Variants in DLGAP1 observed in about 807,000 individuals in gnomAD.
DLGAP1 encodes the protein DLG associated protein 1.
A neutral mutation model predicts 90.8 loss-of-function variants in DLGAP1; 11 were observed. That is an observed-to-expected ratio of 0.12 (90% CI 0.08 to 0.20). The LOEUF is 0.20. DLGAP1 is among the 10% of genes least tolerant of loss of function. The probability of loss-of-function intolerance (pLI) is 1.00; values close to 1 mark genes in which losing one functional copy is unlikely to be tolerated. For synonymous variants in DLGAP1, 558 were observed against 540.7 expected (o/e 1.03, Z -0.44); for missense variants, 1,050 against 1,333.8 (o/e 0.79, Z 3.31).
At chr18:4,156,750 G>A (rs2076763050) in intron 1 of DLGAP1, among the ~76,000 whole-genome samples, 1 of 152,104 alleles carries the variant, frequency 6.6e-6, no homozygotes, top group South Asian at 2.1e-4. Context: ...AGATCTCCCT[G>A]GATTATTTTG....
In DLGAP1 at chr18:4,192,721, C is replaced by A. The variant is rs75162992; in HGVS notation, c.-266-41434G>T. On this transcript the variant is annotated intron_variant, in intron 1 of 12. Coordinates refer to ENST00000315677, the MANE Select transcript of DLGAP1 (RefSeq NM_004746.4). The stretch of plus-strand genomic sequence containing the variant: ...CCAGGCAAATAAAAGAATAAATGTT[C>A]CCTAAGGTAGGGCAATGGAACCAAA... Among the ~76,000 whole-genome samples the A allele has an allele frequency of 5.7e-3, 867 of 152,212 alleles. 6 individuals carry two copies. Among genetic ancestry groups the A allele is most frequent in the South Asian group, 0.024 (116 of 4,814 alleles).
At chr18:3,603,700 A>T (rs1214192879) in intron 7 of DLGAP1, 1 of 154,322 alleles carries the variant, frequency 6.5e-6, no homozygotes, top group Non-Finnish European at 1.5e-5. Context: ...AGCAGCAACA[A>T]ATGTACTTTA....
At chr18:3,579,222 CTTTT>C (rs2055342447) in intron 8 of DLGAP1, among the ~76,000 whole-genome samples, 1 of 152,088 alleles carries the variant, frequency 6.6e-6, no homozygotes, top group Non-Finnish European at 1.5e-5. Flanking sequence ...AACGGTCTTT[CTTTT>C]TGAGATGGAA....
chr18:3,826,876 G>A (rs2067745809), intron 4 of DLGAP1, among the ~76,000 whole-genome samples: 1 of 152,142 alleles, frequency 6.6e-6, no homozygotes, highest in South Asian at 2.1e-4. Flanking sequence ...TAAAGGGGAG[G>A]AGCCAGGGCA....
At chr18:4,291,433 T>C (rs1298258694) in intron 1 of DLGAP1, among the ~76,000 whole-genome samples, 1 of 152,158 alleles carries the variant, frequency 6.6e-6, no homozygotes, top group Non-Finnish European at 1.5e-5. Flanking sequence ...TTTATAGAAC[T>C]TTCCACAACA....
At chr18:4,168,864 G>C (rs954171310) in intron 1 of DLGAP1, among the ~76,000 whole-genome samples, 1 of 152,168 alleles carries the variant, frequency 6.6e-6, no homozygotes, top group Non-Finnish European at 1.5e-5. Flanking sequence ...AACTACTGGT[G>C]TACACCACTA....
intron 3 of DLGAP1, among the ~76,000 whole-genome samples, chr18:3,890,895 T>C (rs2071442875): frequency 6.6e-6 from 1 of 152,176 alleles, no homozygotes; most frequent in South Asian, 2.1e-4. Flanking sequence ...CGCCAGCTTA[T>C]TTCTGGATTA....
chr18:4,010,245 A>G (rs1208522615), intron 2 of DLGAP1, among the ~76,000 whole-genome samples: 3 of 152,192 alleles, frequency 2.0e-5, no homozygotes, highest in Non-Finnish European at 4.4e-5. Flanking sequence ...GTAAAATCAG[A>G]TTAAGAATCA....
At chr18:4,425,542 C>T (rs183806463) in intron 1 of DLGAP1, among the ~76,000 whole-genome samples, 1 of 152,308 alleles carries the variant, frequency 6.6e-6, no homozygotes, top group Non-Finnish European at 1.5e-5. Flanking sequence ...TTAGTCAGTT[C>T]CCCGGACAGG....
chr18:4,436,245 A>T (rs1229702988), intron 1 of DLGAP1, among the ~76,000 whole-genome samples: 1 of 151,994 alleles, frequency 6.6e-6, no homozygotes, highest in African/African-American at 2.4e-5. Flanking sequence ...ATTCCAAAGC[A>T]TGATTGTCTG....
At chr18:3,716,461 A>G (rs2061764269) in intron 7 of DLGAP1, among the ~76,000 whole-genome samples, 1 of 152,206 alleles carries the variant, frequency 6.6e-6, no homozygotes, top group Non-Finnish European at 1.5e-5. Flanking sequence ...GCCTGAGCCC[A>G]GGAGGCTGAT....
At position 3,691,426 on chromosome 18, in the gene DLGAP1, CAA is replaced by C. The variant is rs34761241; in HGVS notation, c.1591+37707_1591+37708del. Among the ~76,000 whole-genome samples, 505 of 123,628 alleles carry C rather than the reference CAA, an allele frequency of 4.1e-3. 1 individual carries two copies. The highest frequency in any genetic ancestry group is 9.0e-3 in the African/African-American group (331 of 36,664). 81.1% of individuals were successfully genotyped at this position (123,628 alleles called of 152,430 possible). A position where few individuals can be genotyped will look rare whatever the true frequency, so the allele number is the denominator to read the frequency against. On this transcript the variant is annotated intron_variant, in intron 7 of 12. Transcript: ENST00000315677. The stretch of plus-strand genomic sequence containing the variant: ...TGGGCGATAGAGCAAGACTCTGTCT[CAA>C]AAAAAAAAAAAAAATTACTCAGAAA...
At chr18:3,938,541 T>C (rs1391276309) in intron 3 of DLGAP1, among the ~76,000 whole-genome samples, 1 of 152,208 alleles carries the variant, frequency 6.6e-6, no homozygotes, top group African/African-American at 2.4e-5. Context: ...TTTAGATCAT[T>C]AGAATCCTAC....
At chr18:4,220,547 T>C (rs114714110) in intron 1 of DLGAP1, among the ~76,000 whole-genome samples, 6,687 of 152,198 alleles carry the variant, frequency 0.044, 183 homozygotes, top group Middle Eastern at 0.054. Flanking sequence ...AATTTGACTA[T>C]ATTTTTATTT....
chr18:3,774,175 G>C (rs2064831182), intron 5 of DLGAP1: 3 of 152,148 alleles, frequency 2.0e-5, no homozygotes, highest in African/African-American at 7.2e-5. Context: ...TGAGTGCCAG[G>C]ATACAAAAAA....
intron 1 of DLGAP1, among the ~76,000 whole-genome samples, chr18:4,369,811 T>C (rs1194815695): frequency 2.1e-5 from 2 of 94,930 alleles, no homozygotes; most frequent in Admixed American, 1.3e-4. Flanking sequence ...GGAGAAAGTC[T>C]TAGTAAAAAA....
chr18:3,637,662 G>C (rs1216991587), intron 7 of DLGAP1, among the ~76,000 whole-genome samples: 2 of 151,162 alleles, frequency 1.3e-5, no homozygotes, highest in Non-Finnish European at 2.9e-5. Flanking sequence ...TGAGAAGATT[G>C]ATTGAGCCTG....
intron 2 of DLGAP1, among the ~76,000 whole-genome samples, chr18:4,098,371 A>G (rs1014602820): frequency 2.6e-5 from 4 of 152,254 alleles, no homozygotes; most frequent in Non-Finnish European, 5.9e-5. Context: ...AATATTTATT[A>G]TAAGTCACTG....
chr18:3,892,545 G>A (rs1001576063), intron 3 of DLGAP1, among the ~76,000 whole-genome samples: 1 of 152,028 alleles, frequency 6.6e-6, no homozygotes, highest in Non-Finnish European at 1.5e-5. Flanking sequence ...CTGACTAAAG[G>A]AATCATGGAG....
Sources: allele counts gnomAD v4.1 joint callset (sites outside exome capture counted in the v4.1 genomes callset), GRCh38; gene constraint gnomAD v4.1.1; transcripts MANE v1.5; gene names NCBI Gene and HGNC (gene_info 2026-07-23, HGNC 2026-07-21).